Variants in MAP3K3 observed in about 807,000 individuals in gnomAD.
MAP3K3 encodes the protein MAP/ERK kinase kinase 3.
A neutral mutation model predicts 80.9 loss-of-function variants in MAP3K3; 12 were observed. The observed-to-expected ratio is 0.15, with a 90% confidence interval of 0.10 to 0.24. MAP3K3 has a LOEUF of 0.24. Among genes scored for constraint, MAP3K3 ranks in the 10% least tolerant of loss-of-function variants. The probability of loss-of-function intolerance (pLI) is 1.00; values close to 1 mark genes in which losing one functional copy is unlikely to be tolerated. For missense variants in MAP3K3, 596 were observed against 834.7 expected (o/e 0.71, Z 3.52); for synonymous variants, 272 against 307.1 (o/e 0.89, Z 1.19).
At chr17:63,687,933 CA>C (rs774512741) in intron 8 of MAP3K3, among the ~76,000 whole-genome samples, 243 of 136,790 alleles carry the variant, frequency 1.8e-3, no homozygotes, top group Middle Eastern at 3.8e-3. Flanking sequence ...GACTCCATCT[CA>C]AAAAAAAAAA....
At position 63,689,662 on chromosome 17, in the gene MAP3K3, C is replaced by A. The variant is rs765143147; in HGVS notation, c.990C>A (p.Asp330Glu). The A allele has an allele frequency of 1.2e-6, 2 of 1,613,922 alleles. No individual in the cohort carries two copies. The highest frequency in any genetic ancestry group is 1.7e-6 in the Non-Finnish European group (2 of 1,179,940). Reference protein sequence around the residue: ...ENMGLAVQYLDPRGRLRSADS... With the variant: ...ENMGLAVQYLEPRGRLRSADS... The stretch of plus-strand genomic sequence containing the variant: ...TGGGTCTGGCTGTGCAATACCTGGA[C>A]CCCCGTGGGCGCCTGCGGAGTGCGG... The change falls in exon 11 of 16, where the codon GAC (aspartate) becomes GAA (glutamate). Residue 330 changes from aspartate to glutamate, a missense_variant. By Grantham distance (45) the Asp-to-Glu change is conservative (BLOSUM62 2). Transcript: ENST00000361733. The surrounding 1 kb of genome is among the most constrained non-coding windows in gnomAD (Gnocchi z 4.3).
intron 2 of MAP3K3, 122 bp downstream of exon 2, chr17:63,632,924 A>ACAG: frequency 7.7e-7 from 1 of 1,304,584 alleles, no homozygotes; most frequent in African/African-American, 1.5e-5. Flanking sequence ...CCTTCCTTTC[A>ACAG]CAGTCTGTTA....
At chr17:63,676,483 A>C (rs2035222264) in intron 6 of MAP3K3, among the ~76,000 whole-genome samples, 2 of 152,254 alleles carry the variant, frequency 1.3e-5, no homozygotes, top group Non-Finnish European at 2.9e-5. Context: ...TTCATAAATA[A>C]GAGTTTTTCT....
chr17:63,673,794 C>T (rs2035159464), intron 6 of MAP3K3, among the ~76,000 whole-genome samples: 1 of 152,126 alleles, frequency 6.6e-6, no homozygotes, highest in Non-Finnish European at 1.5e-5. Context: ...GCCTGTAATT[C>T]GAGCTACTCG....
intron 6 of MAP3K3, among the ~76,000 whole-genome samples, chr17:63,674,457 C>T (rs60486289): frequency 0.012 from 1,887 of 152,184 alleles, 44 homozygotes; most frequent in African/African-American, 0.043. Flanking sequence ...CCTCAACCAC[C>T]GATCCTCGCC....
chr17:63,689,271 C>T lies in MAP3K3; in HGVS notation c.872-273C>T. On this transcript the variant is annotated intron_variant, in intron 10 of 15. Coordinates refer to ENST00000361733, the MANE Select transcript of MAP3K3 (RefSeq NM_002401.5). This position sits in a 1 kb window ranked among gnomAD's most constrained non-coding sequence, Gnocchi z 4.3. ...TGGGAGCCTGTTGGCCAGCCATACACCTTCCCTTTGGCCAGATCTCCCTGA... is the reference window on the plus strand; with the variant it reads ...TGGGAGCCTGTTGGCCAGCCATACATCTTCCCTTTGGCCAGATCTCCCTGA... 3.7e-6 allele frequency: 2 copies of T among 544,122 alleles called. No homozygotes were observed. 33.7% of individuals were successfully genotyped at this position (544,122 alleles called of 1,614,324 possible).
At chr17:63,653,648 T>A (rs1293596358) in intron 4 of MAP3K3, among the ~76,000 whole-genome samples, 1 of 152,236 alleles carries the variant, frequency 6.6e-6, no homozygotes, top group African/African-American at 2.4e-5. Context: ...TTGATTAATT[T>A]AAAATCCCTC....
At chr17:63,687,139 G>A (rs973920297) in intron 8 of MAP3K3, among the ~76,000 whole-genome samples, 2 of 151,744 alleles carry the variant, frequency 1.3e-5, no homozygotes, top group African/African-American at 2.4e-5. Flanking sequence ...GCTGAGGCAC[G>A]CGGATCACCT....
rs528999190 is a variant in MAP3K3 at position 63,692,777 on chromosome 17, C to T, written c.1652+358C>T. On this transcript the variant is annotated intron_variant, in intron 15 of 15. Transcript: ENST00000361733. This position sits in a 1 kb window ranked among gnomAD's most constrained non-coding sequence, Gnocchi z 4.5. The stretch of plus-strand genomic sequence containing the variant: ...GACAGTTTGCACTTGCTCGACATAA[C>T]CTTGTGTCTATCCTCTGAAATGGCC... Among the ~76,000 whole-genome samples the T allele has an allele frequency of 1.9e-4, 29 of 152,358 alleles. 1 individual carries two copies. The highest frequency in any genetic ancestry group is 7.0e-4 in the African/African-American group (29 of 41,580).
At chr17:63,644,774 A>G (rs1363856962) in intron 2 of MAP3K3, among the ~76,000 whole-genome samples, 1 of 152,052 alleles carries the variant, frequency 6.6e-6, no homozygotes, top group Non-Finnish European at 1.5e-5. Context: ...TCTGTTTGCT[A>G]TGTGTTCCTC....
intron 5 of MAP3K3, among the ~76,000 whole-genome samples, chr17:63,659,200 TATAATTTGTAAGG>T (rs1293549280): frequency 6.6e-6 from 1 of 152,202 alleles, no homozygotes; most frequent in Admixed American, 6.5e-5. Flanking sequence ...ATGTTGTAAT[TATAATTTGTAAGG>T]ATACATGTTT....
At chr17:63,637,639 A>G (rs1436998093) in intron 2 of MAP3K3, among the ~76,000 whole-genome samples, 1 of 152,232 alleles carries the variant, frequency 6.6e-6, no homozygotes, top group Non-Finnish European at 1.5e-5. Flanking sequence ...ACAACTGTCC[A>G]TAGTGTTGTG....
At chr17:63,680,726 TGTG>T (rs2143550422) in intron 6 of MAP3K3, among the ~76,000 whole-genome samples, 1 of 152,254 alleles carries the variant, frequency 6.6e-6, no homozygotes, top group East Asian at 1.9e-4. Flanking sequence ...TACAAGCTGA[TGTG>T]GTGAAAGTAC....
At chr17:63,634,542 A>G (rs1022223950) in intron 2 of MAP3K3, among the ~76,000 whole-genome samples, 3 of 152,148 alleles carry the variant, frequency 2.0e-5, no homozygotes, top group Admixed American at 2.0e-4. Context: ...GCGCTGGTAG[A>G]GTGAAGTCAG....
At chr17:63,688,432 C>A in intron 8 of MAP3K3, 95 bp from the exon 9 acceptor site, 1 of 948,110 alleles carries the variant, frequency 1.1e-6, no homozygotes, top group Non-Finnish European at 1.7e-6. Context: ...CCACCTAATG[C>A]TGTGGCAGGG....
intron 6 of MAP3K3, among the ~76,000 whole-genome samples, chr17:63,669,373 G>C (rs2035058602): frequency 1.3e-5 from 2 of 152,104 alleles, no homozygotes; most frequent in Admixed American, 6.5e-5. Flanking sequence ...GTTTTCTAAG[G>C]GACTCTCAGC....
chr17:63,692,541 GT>G lies in MAP3K3; in HGVS notation c.1652+123del. On this transcript the variant is annotated intron_variant, in intron 15 of 15. Transcript: ENST00000361733. The surrounding 1 kb of genome is among the most constrained non-coding windows in gnomAD (Gnocchi z 4.5). ...GAGTGTGCCCAGGGCCCAGGCTGCA[GT>G]GTGTGCAAGGGTATTATTGGGTGCA... 9.8e-7 allele frequency: 1 copy of G among 1,021,448 alleles called. No homozygotes were observed. Among genetic ancestry groups the G allele is most frequent in the Non-Finnish European group, 1.4e-6 (1 of 713,928 alleles). 63.3% of individuals were successfully genotyped at this position (1,021,448 alleles called of 1,614,324 possible).
intron 6 of MAP3K3, among the ~76,000 whole-genome samples, chr17:63,680,667 T>A (rs943055845): frequency 2.0e-5 from 3 of 152,206 alleles, no homozygotes; most frequent in African/African-American, 7.2e-5. Context: ...TTTGTAAGAC[T>A]GCACACCTCT....
At chr17:63,631,458 T>G (rs186497713) in intron 1 of MAP3K3, among the ~76,000 whole-genome samples, 1 of 152,242 alleles carries the variant, frequency 6.6e-6, no homozygotes, top group African/African-American at 2.4e-5. Flanking sequence ...TTGTATTTGC[T>G]TCTTTTAAGG....
Sources: allele counts gnomAD v4.1 joint callset (sites outside exome capture counted in the v4.1 genomes callset), GRCh38; gene constraint gnomAD v4.1.1; non-coding constraint Gnocchi (gnomAD v3.1); transcripts MANE v1.5; gene names NCBI Gene and HGNC (gene_info 2026-07-23, HGNC 2026-07-21).